Variants in LRRC7 observed in about 807,000 individuals in gnomAD.
LRRC7 encodes the protein leucine rich repeat containing 7.
A neutral mutation model predicts 175.7 loss-of-function variants in LRRC7; 23 were observed. That is an observed-to-expected ratio of 0.13 (90% confidence interval 0.09 to 0.19). The LOEUF is 0.19. Among genes scored for constraint, LRRC7 ranks in the 10% least tolerant of loss-of-function variants. LRRC7 has a pLI of 1.00. For missense variants in LRRC7, 1,354 were observed against 1,904.7 expected, an observed-to-expected ratio of 0.71 and a Z score of 5.38; for synonymous variants, 685 against 680.9, an observed-to-expected ratio of 1.01 and a Z score of -0.09.
At chr1:70,041,229 C>T (rs1285151644) in intron 21 of LRRC7, among the ~76,000 whole-genome samples, 4 of 152,116 alleles carry the variant, frequency 2.6e-5, no homozygotes, top group Non-Finnish European at 5.9e-5. Context: ...TTCTTTAATA[C>T]TGAATTTTAC....
At chr1:70,082,685 T>TGTTTCCTA (rs1475449962) in intron 24 of LRRC7, among the ~76,000 whole-genome samples, 1 of 151,338 alleles carries the variant, frequency 6.6e-6, no homozygotes, top group Non-Finnish European at 1.5e-5. Context: ...TTTGAGTTTC[T>TGTTTCCTA]GTTTCCTAGA....
intron 2 of LRRC7, among the ~76,000 whole-genome samples, chr1:69,704,109 T>C (rs959037322): frequency 2.0e-5 from 3 of 151,986 alleles, no homozygotes; most frequent in Non-Finnish European, 2.9e-5. Context: ...ATACACTCGG[T>C]GCTAAGTCAC....
intron 26 of LRRC7, among the ~76,000 whole-genome samples, chr1:70,111,474 A>C (rs193231840): frequency 1.3e-4 from 20 of 152,320 alleles, no homozygotes; most frequent in Admixed American, 1.2e-3. Context: ...AAGAGAAAAA[A>C]CTGAAAGCAC....
chr1:70,119,047 C>CTTTTT (rs3831948), intron 26 of LRRC7, among the ~76,000 whole-genome samples: 1 of 146,990 alleles, frequency 6.8e-6, no homozygotes. Flanking sequence ...GGATTTGGTG[C>CTTTTT]TTTTTTTTTT....
chr1:69,967,576 G>A (rs1651789002), intron 8 of LRRC7, among the ~76,000 whole-genome samples: 1 of 152,122 alleles, frequency 6.6e-6, no homozygotes, highest in Non-Finnish European at 1.5e-5. Flanking sequence ...ACCTCCACCG[G>A]AGCAGGTGCC....
chr1:69,938,995 T>TTTTATATATATATATA (rs1553178449), intron 8 of LRRC7, among the ~76,000 whole-genome samples: 2 of 97,604 alleles, frequency 2.0e-5, no homozygotes, highest in African/African-American at 7.9e-5. Flanking sequence ...AGGCTGTAGA[T>TTTTATATATATATATA]TATATATATA....
chr1:69,921,380 C>T (rs1646883769), intron 7 of LRRC7, among the ~76,000 whole-genome samples: 1 of 152,024 alleles, frequency 6.6e-6, no homozygotes, highest in Non-Finnish European at 1.5e-5. Flanking sequence ...ATATAAGTGT[C>T]TTGCATTCAC....
At chr1:69,905,917 C>T (rs1646291665) in intron 7 of LRRC7, among the ~76,000 whole-genome samples, 1 of 152,216 alleles carries the variant, frequency 6.6e-6, no homozygotes, top group South Asian at 2.1e-4. Context: ...TCTCCAGCAC[C>T]TGTTGTTTCC....
intron 9 of LRRC7, among the ~76,000 whole-genome samples, chr1:69,981,708 C>T (rs534485396): frequency 2.6e-5 from 4 of 152,264 alleles, no homozygotes; most frequent in African/African-American, 9.6e-5. Flanking sequence ...TGAGGCAACA[C>T]GAGACACTTA....
rs111517829 is a variant in LRRC7, at chr1:69,866,521, T to G, written c.647+28238T>G. Among the ~76,000 whole-genome samples, 1,489 of 152,342 alleles carry G rather than the reference T, an allele frequency of 9.8e-3. 22 individuals are homozygous for G. The highest frequency in any genetic ancestry group is 0.034 in the African/African-American group (1,409 of 41,584). Reference sequence around the variant, plus strand: ...TCAGACTTTGCAAGCATGGACCTTCTGATTCCAAGGGTTATTTATCATTTT... The same window carrying G: ...TCAGACTTTGCAAGCATGGACCTTCGGATTCCAAGGGTTATTTATCATTTT... On this transcript the variant is annotated intron_variant, in intron 7 of 26. Coordinates refer to ENST00000651989, the MANE Select transcript of LRRC7 (RefSeq NM_001370785.2).
intron 23 of LRRC7, among the ~76,000 whole-genome samples, chr1:70,068,555 A>G (rs975237519): frequency 5.3e-5 from 8 of 151,972 alleles, no homozygotes; most frequent in Admixed American, 5.2e-4. Flanking sequence ...ATTGGTTTAT[A>G]GTGGTTTTTT....
intron 7 of LRRC7, among the ~76,000 whole-genome samples, chr1:69,864,622 G>A (rs1684716144): frequency 6.6e-6 from 1 of 152,132 alleles, no homozygotes; most frequent in Non-Finnish European, 1.5e-5. Flanking sequence ...AGAAGATAGG[G>A]TAACATGGCA....
At chr1:70,002,446 C>G (rs764610651) in intron 11 of LRRC7, among the ~76,000 whole-genome samples, 5 of 152,152 alleles carry the variant, frequency 3.3e-5, no homozygotes, top group Non-Finnish European at 7.4e-5. Flanking sequence ...CTTATCATTT[C>G]TTTTTCCAGA....
At chr1:69,702,641 C>T (rs2100701428) in intron 2 of LRRC7, among the ~76,000 whole-genome samples, 1 of 152,142 alleles carries the variant, frequency 6.6e-6, no homozygotes, top group South Asian at 2.1e-4. Flanking sequence ...GGCTATTCAG[C>T]AACTTTTAAG....
intron 1 of LRRC7, among the ~76,000 whole-genome samples, chr1:69,632,143 G>A (rs1222593036): frequency 6.6e-6 from 1 of 151,938 alleles, no homozygotes; most frequent in East Asian, 1.9e-4. Flanking sequence ...GTTCCCTCTG[G>A]CTAGGACCCC....
chr1:69,955,134 A>G (rs1040005903), intron 8 of LRRC7, among the ~76,000 whole-genome samples: 8 of 152,068 alleles, frequency 5.3e-5, no homozygotes, highest in African/African-American at 1.7e-4. Context: ...TAAGTGCTCA[A>G]TAAATATTTG....
chr1:69,620,260 A>G (rs1364968722), intron 1 of LRRC7, among the ~76,000 whole-genome samples: 2 of 67,362 alleles, frequency 3.0e-5, no homozygotes, highest in African/African-American at 1.3e-4. Flanking sequence ...TGGATTGATA[A>G]CTATTTACAT....
Position 70,133,459 on chromosome 1 carries a change from G to T in LRRC7, c.*11572G>T, listed in dbSNP as rs1666756322. Among the ~76,000 whole-genome samples, 1 of 152,078 alleles carries T rather than the reference G, an allele frequency of 6.6e-6. No homozygotes were observed. The highest frequency in any genetic ancestry group is 6.6e-5 in the Admixed American group (1 of 15,260). The stretch of plus-strand genomic sequence containing the variant: ...TGGTCTTGAACACCTGGGCTCTATC[G>T]ATCCGACCGCCTCGGCCTCCCAAAG... On this transcript the variant is annotated 3_prime_UTR_variant, in exon 27 of 27. Coordinates refer to ENST00000651989, the MANE Select transcript of LRRC7 (RefSeq NM_001370785.2).
At chr1:69,674,214 A>G (rs1353159900) in intron 1 of LRRC7, among the ~76,000 whole-genome samples, 1 of 152,132 alleles carries the variant, frequency 6.6e-6, no homozygotes, top group East Asian at 1.9e-4. Context: ...ATATATTTGA[A>G]TCTCAGGTAT....
Sources: gnomAD v4.1 joint callset for allele counts (sites outside exome capture counted in the v4.1 genomes callset) on GRCh38, gnomAD v4.1.1 for gene constraint, MANE v1.5 for transcripts, NCBI Gene and HGNC (gene_info 2026-07-23, HGNC 2026-07-21) for gene names.